IPP: variants seen among roughly 807,000 people sequenced by gnomAD.
IPP encodes the protein actin-binding protein IPP.
A neutral mutation model predicts 64.1 loss-of-function variants in IPP; 41 were observed. The observed-to-expected ratio is 0.64, with a 90% CI of 0.50 to 0.83. The LOEUF (loss-of-function observed/expected upper bound fraction) is 0.83, where lower values mean the gene tolerates loss of function less well. IPP is among the 40% of genes least tolerant of loss of function. The probability of loss-of-function intolerance (pLI) is 0.00; values close to 1 mark genes in which losing one functional copy is unlikely to be tolerated. For synonymous variants in IPP, 214 were observed against 235.2 expected (o/e 0.91, Z 0.83); for missense variants, 649 against 703.0 (o/e 0.92, Z 0.87).
chr1:45,708,377 GA>G (rs1358819606), intron 8 of IPP, among the ~76,000 whole-genome samples: 4 of 144,370 alleles, frequency 2.8e-5, no homozygotes, highest in African/African-American at 1.0e-4. Context: ...GGTGATTAAA[GA>G]TAAAAAAAAG....
At chr1:45,695,810 C>T (rs988343671), downstream of IPP, among the ~76,000 whole-genome samples, 8 of 152,124 alleles carry the variant, frequency 5.3e-5, no homozygotes, top group Non-Finnish European at 8.8e-5. Context: ...CCTGGGATTA[C>T]AGGCATGCGC....
At chr1:45,732,695 C>G (rs1411990629) in intron 3 of IPP, among the ~76,000 whole-genome samples, 2 of 152,216 alleles carry the variant, frequency 1.3e-5, no homozygotes, top group East Asian at 3.9e-4. Context: ...GAGACAGAGT[C>G]TAGCTCTGTC....
intron 5 of IPP, among the ~76,000 whole-genome samples, chr1:45,724,850 C>G (rs1013590716): frequency 6.6e-5 from 10 of 150,608 alleles, no homozygotes; most frequent in African/African-American, 2.4e-4. Context: ...AAGTGAGGAG[C>G]GTCTCCGCCC....
intron 8 of IPP, among the ~76,000 whole-genome samples, chr1:45,709,142 G>T (rs1645555836): frequency 1.3e-5 from 2 of 149,904 alleles, no homozygotes; most frequent in South Asian, 4.2e-4. Context: ...AATATTAAGA[G>T]AAGCTCTTTG....
At chr1:45,734,801 G>A (rs1395091846) in intron 3 of IPP, among the ~76,000 whole-genome samples, 1 of 151,624 alleles carries the variant, frequency 6.6e-6, no homozygotes, top group African/African-American at 2.4e-5. Context: ...TTTTCTTTGA[G>A]ACAGAGTCCT....
chr1:45,706,475 G>A (rs1356072545), intron 8 of IPP, among the ~76,000 whole-genome samples: 1 of 152,030 alleles, frequency 6.6e-6, no homozygotes, highest in Non-Finnish European at 1.5e-5. Flanking sequence ...CCAAGATGGA[G>A]TTTCACTCTT....
chr1:45,729,818 A>G, intron 3 of IPP, 49 bp from the exon 4 acceptor site: 1 of 1,132,010 alleles, frequency 8.8e-7, no homozygotes, highest in Non-Finnish European at 1.3e-6. Context: ...TTTAAATAAT[A>G]TTGAAAAAAC....
intron 5 of IPP, among the ~76,000 whole-genome samples, chr1:45,727,081 G>C (rs1645838964): frequency 1.3e-5 from 2 of 151,084 alleles, no homozygotes; most frequent in South Asian, 4.2e-4. Flanking sequence ...AGAGGGTCTT[G>C]CTCTGTCACC....
intron 3 of IPP, among the ~76,000 whole-genome samples, chr1:45,739,975 C>T (rs540515549): frequency 2.6e-5 from 4 of 152,010 alleles, no homozygotes; most frequent in African/African-American, 7.3e-5. Context: ...TGCGGCCTTC[C>T]GCAGTGTTTG....
chr1:45,694,689 C>T, downstream of IPP: 1 of 539,190 alleles, frequency 1.9e-6, no homozygotes, highest in Non-Finnish European at 3.3e-6. Flanking sequence ...GTAAGTTGGA[C>T]ATGTTTTCCA....
At chr1:45,749,361 G>A (rs1468500460) in intron 1 of IPP, among the ~76,000 whole-genome samples, 1 of 152,166 alleles carries the variant, frequency 6.6e-6, no homozygotes, top group Non-Finnish European at 1.5e-5. Flanking sequence ...CAAAGGAAAA[G>A]AGCACAATTC....
At chr1:45,732,361 C>CAAAAAAAAAAAAAAAA (rs779442718) in intron 3 of IPP, among the ~76,000 whole-genome samples, 13 of 59,762 alleles carry the variant, frequency 2.2e-4, no homozygotes, top group African/African-American at 5.1e-4. Flanking sequence ...GACTCCACCT[C>CAAAAAAAAAAAAAAAA]AAAAAAAAAA....
Position 45,750,294 on chromosome 1 carries a change from G to A in IPP, c.-51+303C>T, listed in dbSNP as rs148265686. On this transcript the variant is annotated intron_variant, in intron 1 of 8. Coordinates refer to ENST00000396478, the MANE Select transcript of IPP (RefSeq NM_005897.3). Reference sequence around the variant, plus strand: ...ACTAAAAGCTAATAATCGTTCCTGCGCTACCTAAAGGTCAGGGAAGGGATC... The same window carrying A: ...ACTAAAAGCTAATAATCGTTCCTGCACTACCTAAAGGTCAGGGAAGGGATC... Among the ~76,000 whole-genome samples, 701 of 152,202 alleles carry A rather than the reference G, an allele frequency of 4.6e-3. 7 individuals are homozygous for A. Among genetic ancestry groups the A allele is most frequent in the African/African-American group, 0.016 (656 of 41,524 alleles).
In IPP at chr1:45,727,759, C is replaced by T. The variant is rs774621283; in HGVS notation, c.920G>A (p.Ser307Asn). 3.2e-6 allele frequency: 5 copies of T among 1,578,448 alleles called. No individual in the cohort carries two copies. The highest frequency in any genetic ancestry group is 3.4e-5 in the Admixed American group (2 of 59,590). The change falls in exon 5 of 9, where the codon AGC becomes AAC. Residue 307 changes from serine to asparagine, a missense_variant. Ser to Asn is a conservative substitution (Grantham distance 46). Coordinates refer to ENST00000396478, the MANE Select transcript of IPP (RefSeq NM_005897.3). The stretch of plus-strand genomic sequence containing the variant: ...ACGTTCTACACAGCTGAGGGCTCTG[C>T]TATCACTCCAGCGACCCCCCTGCAA... ...TRLQGGRWSD[S>N]RALSCVERFD...
chr1:45,737,496 T>C (rs1017194446), intron 3 of IPP, among the ~76,000 whole-genome samples: 9 of 149,314 alleles, frequency 6.0e-5, no homozygotes, highest in Non-Finnish European at 1.2e-4. Context: ...GGTCTGGCTC[T>C]GCCACCCAGG....
intron 1 of IPP, among the ~76,000 whole-genome samples, chr1:45,748,033 A>T (rs1646164715): frequency 6.6e-6 from 1 of 152,156 alleles, no homozygotes; most frequent in Non-Finnish European, 1.5e-5. Context: ...TATCAAAGTC[A>T]AAATAACAAG....
intron 7 of IPP, 102 bp downstream of exon 7, chr1:45,716,793 A>G (rs1262156005): frequency 1.0e-6 from 1 of 980,766 alleles, no homozygotes; most frequent in Non-Finnish European, 1.5e-6. Flanking sequence ...CAGTCATTCA[A>G]TACTAACAGA....
At chr1:45,703,093 T>C (rs2148546993) in intron 8 of IPP, among the ~76,000 whole-genome samples, 1 of 151,606 alleles carries the variant, frequency 6.6e-6, no homozygotes, top group Middle Eastern at 3.4e-3. Context: ...ATCTTTTTTG[T>C]TCGTTTGTTT....
chr1:45,716,534 C>T, intron 7 of IPP, among the ~76,000 whole-genome samples: 1 of 152,194 alleles, frequency 6.6e-6, no homozygotes, highest in Non-Finnish European at 1.5e-5. Flanking sequence ...CATGAGCCAC[C>T]ACACCCAAAA....
Sources: allele counts gnomAD v4.1 joint callset (sites outside exome capture counted in the v4.1 genomes callset), GRCh38; gene constraint gnomAD v4.1.1; transcripts MANE v1.5; gene names NCBI Gene and HGNC (gene_info 2026-07-23, HGNC 2026-07-21).